The following ZFP57 variants were observed in gnomAD, a reference collection of about 807,000 sequenced individuals.
ZFP57 encodes zinc finger protein 57 homolog.
Under a neutral mutation model 15.8 loss-of-function variants are expected in ZFP57, and 12 were observed. That is an observed-to-expected ratio of 0.76 (90% CI 0.49 to 1.23). The LOEUF (loss-of-function observed/expected upper bound fraction) is 1.23, where lower values mean the gene tolerates loss of function less well. ZFP57 is among the 50% of genes most tolerant of loss of function. The pLI, the probability that ZFP57 is intolerant of heterozygous loss-of-function variation, is 0.00. For synonymous variants in ZFP57, 203 were observed against 242.3 expected, an observed-to-expected ratio of 0.84 and a Z score of 1.51; for missense variants, 536 against 654.9, an observed-to-expected ratio of 0.82 and a Z score of 1.98.
intron 2 of ZFP57, 121 bp from the exon 3 acceptor site, chr6:29,676,180 A>T: frequency 9.4e-7 from 1 of 1,068,184 alleles, no homozygotes; most frequent in Non-Finnish European, 1.4e-6. Flanking sequence ...AGAGAAAGAT[A>T]AAACCATGGA....
chr6:29,675,556 A>G lies in ZFP57; in HGVS notation c.251-69T>C, dbSNP rs552463392. ...GGCCCCTTCACATCTGATGGGGACAACAGGCTACCTCCTGTAGCCTTTGTT... is the reference window on the plus strand; with the variant it reads ...GGCCCCTTCACATCTGATGGGGACAGCAGGCTACCTCCTGTAGCCTTTGTT... On this transcript the variant is annotated intron_variant, in intron 3 of 4. Transcript: ENST00000376883. The G allele has an allele frequency of 7.1e-5, 86 of 1,211,790 alleles. No homozygotes were observed. The African/African-American group carries it at 9.8e-4, about 14-fold the overall frequency. 75.1% of individuals were successfully genotyped at this position (1,211,790 alleles called of 1,614,324 possible).
rs374317 is a variant in ZFP57 at position 29,676,263 on chromosome 6, C to T, written c.124-204G>A. On this transcript the variant is annotated intron_variant, in intron 2 of 4. Transcript: ENST00000376883. Reference sequence around the variant, plus strand: ...AGTATAGAAAGGAAAGGAGGCCGGACGCGGTGGCTCACGCCTGTAATCCCA... The same window carrying T: ...AGTATAGAAAGGAAAGGAGGCCGGATGCGGTGGCTCACGCCTGTAATCCCA... 0.22 allele frequency among the ~76,000 whole-genome samples: 33,565 copies of T among 152,012 alleles called. 3,848 individuals carry two copies. The highest frequency in any genetic ancestry group is 0.33 in the East Asian group (1,695 of 5,170).
chr6:29,678,916 G>C (rs1308055874), intron 1 of ZFP57, among the ~76,000 whole-genome samples: 1 of 152,154 alleles, frequency 6.6e-6, no homozygotes, highest in Non-Finnish European at 1.5e-5. Context: ...TGTAGTCCCA[G>C]CTGCTCAGGA....
chr6:29,675,418 A>T lies in ZFP57; in HGVS notation c.320T>A (p.Phe107Tyr). 6.2e-7 allele frequency: 1 copy of T among 1,614,042 alleles called. No homozygotes were observed. Among genetic ancestry groups the T allele is most frequent in the Non-Finnish European group, 8.5e-7 (1 of 1,180,004 alleles). ...LEQEEEQWRE[F>Y]VHLPNTEGLS... ...GCCTTCTGTGTTTGGGAGATGGACA[A>T]ACTCTCTCCACTGTTCCTCTTCTTG... Residue 107 changes from phenylalanine (F) to tyrosine (Y), a missense_variant, in exon 4 of 5, where the codon TTT becomes TAT. Physicochemically the swap from Phe to Tyr is conservative, Grantham distance 22 (BLOSUM62 3). Transcript: ENST00000376883.
In ZFP57 at chr6:29,676,891, C is replaced by T. The variant is rs142917604; in HGVS notation, c.113G>A (p.Arg38Gln). Residue 38 changes from arginine to glutamine, a missense_variant, in exon 2 of 5, where the codon CGG (arginine) becomes CAG (glutamine). Transcript: ENST00000376883. Reference sequence around the variant, plus strand: ...GCTTAGTCTCCTCACCTTCTTCACCCGTGCCTCCCTCCAGCAATCTCTCTT... The same window carrying T: ...GCTTAGTCTCCTCACCTTCTTCACCTGTGCCTCCCTCCAGCAATCTCTCTT... The part of the protein sequence containing the change: ...AMKRDCWREA[R>Q]VKKKPVTFED... 3,355 of 1,614,102 alleles carry T rather than the reference C, an allele frequency of 2.1e-3. 147 individuals are homozygous for T. In the East Asian group the frequency reaches 0.057, roughly 27 times the overall value.
At chr6:29,678,121 T>A (rs1772167159) in intron 1 of ZFP57, among the ~76,000 whole-genome samples, 1 of 152,230 alleles carries the variant, frequency 6.6e-6, no homozygotes, top group African/African-American at 2.4e-5. Flanking sequence ...GGAGAATCAC[T>A]TGAACCCTGG....
Position 29,673,848 on chromosome 6 carries a change from C to T in ZFP57, c.353-90G>A, listed in dbSNP as rs1257664522. 1 of 1,520,640 alleles carries T rather than the reference C, an allele frequency of 6.6e-7. No individual in the cohort carries two copies. Among genetic ancestry groups the T allele is most frequent in the Non-Finnish European group, 9.1e-7 (1 of 1,100,078 alleles). The allele number at this position is 1,520,640 out of a possible 1,614,324, so 94.2% of individuals were successfully genotyped here. On this transcript the variant is annotated intron_variant, in intron 4 of 4. Coordinates refer to ENST00000376883, the MANE Select transcript of ZFP57 (RefSeq NM_001109809.5). This position sits in a 1 kb window ranked among gnomAD's most constrained non-coding sequence, Gnocchi z 4.7. ...GTGGCTCACACCTGTAATCCCAGCA[C>T]TTTGGGAGGCCGAGGCCAGCGGATC...
intron 4 of ZFP57, 79 bp downstream of exon 4, chr6:29,675,307 A>T: frequency 9.5e-7 from 1 of 1,048,184 alleles, no homozygotes; most frequent in African/African-American, 1.6e-5. Flanking sequence ...TAGAGCATTC[A>T]TCCTCTTCAT....
intron 1 of ZFP57, among the ~76,000 whole-genome samples, chr6:29,680,463 T>C (rs1040895178): frequency 2.6e-5 from 4 of 152,210 alleles, no homozygotes; most frequent in Non-Finnish European, 4.4e-5. Context: ...GTTTTCCGCC[T>C]GTCAGCCAAG....
intron 1 of ZFP57, among the ~76,000 whole-genome samples, chr6:29,677,746 A>T (rs1772144389): frequency 6.9e-6 from 1 of 145,696 alleles, no homozygotes; most frequent in Admixed American, 7.1e-5. Context: ...ACTCTCTAAG[A>T]TCTCTTCCAT....
chr6:29,676,758 T>C (rs921381902), intron 2 of ZFP57, 123 bp downstream of exon 2: 2 of 1,321,830 alleles, frequency 1.5e-6, no homozygotes, highest in Admixed American at 2.3e-5. Flanking sequence ...AGCTCCTTTT[T>C]CTGGATGTCG....
At chr6:29,679,518 A>G (rs1772230053) in intron 1 of ZFP57, among the ~76,000 whole-genome samples, 1 of 152,086 alleles carries the variant, frequency 6.6e-6, no homozygotes, top group South Asian at 2.1e-4. Context: ...CCTGTCTTTC[A>G]AAACCATTCG....
At chr6:29,675,193 T>C (rs3129195) in intron 4 of ZFP57, among the ~76,000 whole-genome samples, 193 bp downstream of exon 4, 4 of 130,852 alleles carry the variant, frequency 3.1e-5, no homozygotes, top group Admixed American at 7.9e-5. Context: ...GAGAGAGACT[T>C]GGATCTTCAA....
chr6:29,679,118 G>T (rs985513574), intron 1 of ZFP57, among the ~76,000 whole-genome samples: 3 of 152,220 alleles, frequency 2.0e-5, no homozygotes, highest in African/African-American at 7.2e-5. Context: ...TCTTTGTGAA[G>T]AATACTGCTA....
intron 1 of ZFP57, among the ~76,000 whole-genome samples, chr6:29,680,222 C>A (rs1226701299): frequency 6.6e-6 from 1 of 152,222 alleles, no homozygotes; most frequent in South Asian, 2.1e-4. Flanking sequence ...GCGGGCTTAT[C>A]TGTACCCGGG....
At position 29,672,975 on chromosome 6, in the gene ZFP57, G is replaced by A. The variant is rs781584552; in HGVS notation, c.1136C>T (p.Ser379Leu). The A allele has an allele frequency of 6.2e-7, 1 of 1,613,066 alleles. No individual in the cohort carries two copies. Among genetic ancestry groups the A allele is most frequent in the Non-Finnish European group, 8.5e-7 (1 of 1,180,030 alleles). ...ARSNSHPVKP[S>L]RLNVFCCPHC... ...GGGGCAACAGAAGACATTGAGTCTT[G>A]AGGGCTTCACTGGATGAGAGTTGGA... Residue 379 changes from serine (S) to leucine (L), a missense_variant, in exon 5 of 5, where the codon TCA (serine) becomes TTA (leucine). Ser to Leu is a moderately radical substitution (Grantham distance 145). Transcript: ENST00000376883.
Position 29,677,188 on chromosome 6 carries a change from T to A in ZFP57, c.-185A>T. 2 of 753,766 alleles carry A rather than the reference T, an allele frequency of 2.7e-6. No individual in the cohort carries two copies. The highest frequency in any genetic ancestry group is 4.3e-6 in the Non-Finnish European group (2 of 462,042). 46.7% of individuals were successfully genotyped at this position (753,766 alleles called of 1,614,324 possible). ...TATCTGCTCCAAGAGGCTGTCTTCC[T>A]TTTTTGTTCTGCTGTCCAAATTCTC... is the stretch of plus-strand genomic sequence containing the variant. On this transcript the variant is annotated 5_prime_UTR_variant, in exon 2 of 5. In the 5' UTR this introduces an upstream ATG that the reference lacks. Coordinates refer to ENST00000376883, the MANE Select transcript of ZFP57 (RefSeq NM_001109809.5).
rs1300159881 is a variant in ZFP57 at position 29,672,628 on chromosome 6, C to T, written c.1483G>A (p.Glu495Lys). 6.2e-7 allele frequency: 1 copy of T among 1,611,018 alleles called. No individual in the cohort carries two copies. Among genetic ancestry groups the T allele is most frequent in the Admixed American group, 1.7e-5 (1 of 59,976 alleles). ...TGATCACCTCCATGCTTCCATTCCT[C>T]CCCAGCCATAGTGGGGACATCATGA... is the stretch of plus-strand genomic sequence containing the variant. Reference protein sequence around the residue: ...FSHDVPTMAGEEWKHGGDQSP... With the variant: ...FSHDVPTMAGKEWKHGGDQSP... The change falls in exon 5 of 5, where the codon GAG becomes AAG. Residue 495 changes from glutamate (E) to lysine (K), a missense_variant. Glu to Lys is a moderately conservative substitution (Grantham distance 56). Coordinates refer to ENST00000376883, the MANE Select transcript of ZFP57 (RefSeq NM_001109809.5).
chr6:29,674,651 T>A (rs893089762), intron 4 of ZFP57, among the ~76,000 whole-genome samples: 22 of 152,178 alleles, frequency 1.4e-4, no homozygotes, highest in African/African-American at 5.3e-4. Context: ...AACCAAAAAG[T>A]GTATCAGCCT....
Sources: allele counts gnomAD v4.1 joint callset (sites outside exome capture counted in the v4.1 genomes callset), GRCh38; gene constraint gnomAD v4.1.1; non-coding constraint Gnocchi (gnomAD v3.1); transcripts MANE v1.5; gene names NCBI Gene and HGNC (gene_info 2026-07-23, HGNC 2026-07-21).